Variants in RNF170 observed in about 807,000 individuals in gnomAD.
The protein encoded by RNF170 is ring finger protein 170.
Under a neutral mutation model 32.7 loss-of-function variants are expected in RNF170, and 12 were observed. The ratio of observed to expected loss-of-function variants is 0.37; its 90% CI spans 0.24 to 0.60. The LOEUF is 0.60. RNF170 is among the 20% of genes least tolerant of loss of function. The pLI, the probability that RNF170 is intolerant of heterozygous loss-of-function variation, is 0.72. For missense variants in RNF170, 212 were observed against 311.2 expected (o/e 0.68, Z 2.40); for synonymous variants, 91 against 103.6 (o/e 0.88, Z 0.74).
intron 4 of RNF170, among the ~76,000 whole-genome samples, chr8:42,865,767 T>G (rs1354946112): frequency 6.6e-6 from 1 of 152,146 alleles, no homozygotes; most frequent in Non-Finnish European, 1.5e-5. Context: ...GTGGATCACT[T>G]GAGATCAGGA....
intron 5 of RNF170, among the ~76,000 whole-genome samples, chr8:42,864,376 C>T (rs112095181): frequency 0.019 from 2,925 of 152,196 alleles, 102 homozygotes; most frequent in African/African-American, 0.068. Context: ...GCTGGGATTA[C>T]AGGCATGAGC....
At chr8:42,858,071 CTT>C (rs1159507663) in intron 6 of RNF170, among the ~76,000 whole-genome samples, 2 of 152,100 alleles carry the variant, frequency 1.3e-5, no homozygotes, top group East Asian at 1.9e-4. Flanking sequence ...TGTTAAATGA[CTT>C]TATTAAAGTT....
chr8:42,890,347 G>T (rs1455570946), intron 1 of RNF170, among the ~76,000 whole-genome samples: 1 of 149,764 alleles, frequency 6.7e-6, no homozygotes, highest in Non-Finnish European at 1.5e-5. Flanking sequence ...ACGCGATCTC[G>T]GCTCACTGCA....
At chr8:42,859,043 T>C (rs1031410176) in intron 6 of RNF170, among the ~76,000 whole-genome samples, 1 of 151,490 alleles carries the variant, frequency 6.6e-6, no homozygotes, top group South Asian at 2.1e-4. Context: ...ATTAGCCGGG[T>C]TGTGGTGGCA....
chr8:42,888,052 T>C (rs1259256614), intron 1 of RNF170, among the ~76,000 whole-genome samples, 181 bp from the exon 2 acceptor site: 2 of 152,208 alleles, frequency 1.3e-5, no homozygotes, highest in East Asian at 1.9e-4. Flanking sequence ...CATTATTTTG[T>C]GGAGAACAAA....
intron 3 of RNF170, 150 bp downstream of exon 3, chr8:42,873,781 G>T: frequency 4.8e-6 from 3 of 621,284 alleles, no homozygotes; most frequent in Non-Finnish European, 8.6e-6. Context: ...GCCCATTCTT[G>T]CAAATATACA....
intron 2 of RNF170, among the ~76,000 whole-genome samples, chr8:42,875,120 G>A (rs1341813178): frequency 6.6e-6 from 1 of 150,900 alleles, no homozygotes; most frequent in Non-Finnish European, 1.5e-5. Context: ...GCGGTGATCT[G>A]AGATCACGCC....
At chr8:42,851,799 G>C (rs565660705), downstream of RNF170, among the ~76,000 whole-genome samples, 17 of 152,116 alleles carry the variant, frequency 1.1e-4, no homozygotes, top group South Asian at 3.5e-3. Flanking sequence ...CACCACGTCT[G>C]GCTAATTTTA....
chr8:42,897,196 G>A (rs1807008953), upstream of RNF170: 2 of 1,243,994 alleles, frequency 1.6e-6, no homozygotes, highest in African/African-American at 1.6e-5. Flanking sequence ...TGGGTACGTG[G>A]GGGCCGCGGG....
At position 42,855,358 on chromosome 8, in the gene RNF170, C is replaced by A. The variant is rs902555364; in HGVS notation, c.*801G>T. 1 of 696,504 alleles carries A rather than the reference C, an allele frequency of 1.4e-6. No individual in the cohort carries two copies. Among genetic ancestry groups the A allele is most frequent in the South Asian group, 1.6e-5 (1 of 61,454 alleles). The allele number at this position is 696,504 out of a possible 1,614,324, so 43.1% of individuals were successfully genotyped here. ...TCCCGAGTAGCTGGGACTACAGGCG[C>A]CTGCCACCACGCCTGGCTAATTTTT... On this transcript the variant is annotated 3_prime_UTR_variant, in exon 7 of 7. Transcript: ENST00000527424.
intron 1 of RNF170, chr8:42,896,229 G>C (rs1188331168): frequency 3.1e-6 from 1 of 323,484 alleles, no homozygotes; most frequent in African/African-American, 2.3e-5. Flanking sequence ...GGGAGCGGCG[G>C]TGTCCTCGCC....
At chr8:42,884,589 A>G (rs1041300074) in intron 2 of RNF170, among the ~76,000 whole-genome samples, 6 of 152,292 alleles carry the variant, frequency 3.9e-5, no homozygotes, top group African/African-American at 1.4e-4. Flanking sequence ...CCAGCTTAAA[A>G]TGCTAGTCCC....
Position 42,856,030 on chromosome 8 carries a change from G to A in RNF170, c.*129C>T. 6.4e-7 allele frequency: 1 copy of A among 1,563,730 alleles called. No homozygotes were observed. Among genetic ancestry groups the A allele is most frequent in the Admixed American group, 1.8e-5 (1 of 55,964 alleles). ...TTTGTCAAATGATAATCAAATGTTT[G>A]TCTTATAGTGGTTTTATATTTGTGA... On this transcript the variant is annotated 3_prime_UTR_variant, in exon 7 of 7. Transcript: ENST00000527424.
Position 42,854,053 on chromosome 8 carries a change from G to C in RNF170, c.*2106C>G, listed in dbSNP as rs767251839. ...TGCATTTCCAGTCTGGTACATGGCA[G>C]TGTGACAAACTCCTACTCACTCGCT... On this transcript the variant is annotated 3_prime_UTR_variant, in exon 7 of 7. Coordinates refer to ENST00000527424, the MANE Select transcript of RNF170 (RefSeq NM_030954.4). 7.8e-7 allele frequency: 1 copy of C among 1,287,238 alleles called. No individual in the cohort carries two copies. The highest frequency in any genetic ancestry group is 1.2e-5 in the South Asian group (1 of 80,936). 79.7% of individuals were successfully genotyped at this position (1,287,238 alleles called of 1,614,324 possible).
downstream of RNF170, among the ~76,000 whole-genome samples, chr8:42,853,092 C>G (rs528753159): frequency 1.3e-5 from 2 of 151,946 alleles, no homozygotes; most frequent in Non-Finnish European, 2.9e-5. Context: ...TAACACTGCA[C>G]TCCAACCTGG....
At chr8:42,850,541 C>A, downstream of RNF170, 1 of 541,316 alleles carries the variant, frequency 1.8e-6, no homozygotes, top group Admixed American at 3.1e-5. Context: ...TTGAGCACTA[C>A]TGTGGTGGCA....
At chr8:42,875,087 C>T (rs1411840053) in intron 2 of RNF170, among the ~76,000 whole-genome samples, 2 of 151,594 alleles carry the variant, frequency 1.3e-5, no homozygotes, top group South Asian at 2.1e-4. Context: ...AGAAGAATCG[C>T]TTAAACCCCG....
rs1011683159 is a variant in RNF170 at position 42,886,860 on chromosome 8, A to C, written c.137+868T>G. 2.0e-5 allele frequency among the ~76,000 whole-genome samples: 3 copies of C among 152,294 alleles called. No homozygotes were observed. In the East Asian group the frequency reaches 5.8e-4, roughly 29 times the overall value. ...CAATGTAGCGAGACCCTGTCTCTAA[A>C]ATAAATAAATAGGCTGGGCATAGTG... On this transcript the variant is annotated intron_variant, in intron 2 of 6. Coordinates refer to ENST00000527424, the MANE Select transcript of RNF170 (RefSeq NM_030954.4).
chr8:42,873,815 T>A lies in RNF170; in HGVS notation c.213+116A>T, dbSNP rs1746893293. On this transcript the variant is annotated intron_variant, in intron 3 of 6. Coordinates refer to ENST00000527424, the MANE Select transcript of RNF170 (RefSeq NM_030954.4). The stretch of plus-strand genomic sequence containing the variant: ...CAATCTATAAAATAATATAAGGTAA[T>A]TTGAAGCTGGAAAGAAGCCCATGTT... The A allele has an allele frequency of 7.1e-6, 5 of 703,102 alleles. No individual in the cohort carries two copies. In the Admixed American group the frequency reaches 1.1e-4, roughly 16 times the overall value. The allele number at this position is 703,102 out of a possible 1,614,324, so 43.6% of individuals were successfully genotyped here.
Sources: allele counts gnomAD v4.1 joint callset (sites outside exome capture counted in the v4.1 genomes callset), GRCh38; gene constraint gnomAD v4.1.1; transcripts MANE v1.5; gene names NCBI Gene and HGNC (gene_info 2026-07-23, HGNC 2026-07-21).